TBC1D19: variants seen among roughly 807,000 people sequenced by gnomAD.
TBC1D19 encodes TBC1 domain family member 19, also known as TBC1 domain family, member 19.
Under a neutral mutation model 89.0 loss-of-function variants are expected in TBC1D19, and 60 were observed. The observed-to-expected ratio is 0.67, with a 90% CI of 0.55 to 0.84. TBC1D19 has a LOEUF of 0.84. Among genes scored for constraint, TBC1D19 ranks in the 40% least tolerant of loss-of-function variants. The pLI, the probability that TBC1D19 is intolerant of heterozygous loss-of-function variation, is 0.00. For missense variants in TBC1D19, 500 were observed against 610.8 expected (o/e 0.82, Z 1.91); for synonymous variants, 189 against 199.7 (o/e 0.95, Z 0.45).
chr4:26,698,539 G>A (rs1230419220), intron 13 of TBC1D19, among the ~76,000 whole-genome samples: 1 of 152,088 alleles, frequency 6.6e-6, no homozygotes, highest in Non-Finnish European at 1.5e-5. Context: ...AACCAAAAAT[G>A]AGCCCACATC....
At chr4:26,634,920 G>T (rs1207764604) in intron 4 of TBC1D19, among the ~76,000 whole-genome samples, 1 of 151,978 alleles carries the variant, frequency 6.6e-6, no homozygotes, top group African/African-American at 2.4e-5. Flanking sequence ...TGTTGTTCAC[G>T]TGCCAACTCT....
the TBC1D19 span, among the ~76,000 whole-genome samples, chr4:26,825,540 T>G: frequency 2.0e-5 from 3 of 152,218 alleles, no homozygotes; most frequent in South Asian, 6.2e-4. Flanking sequence ...GTGAATGTAG[T>G]TTGGTTGGAA....
At chr4:26,693,932 C>T (rs774057696) in intron 13 of TBC1D19, among the ~76,000 whole-genome samples, 10 of 151,966 alleles carry the variant, frequency 6.6e-5, no homozygotes, top group Admixed American at 1.3e-4. Flanking sequence ...CCAAGATGGC[C>T]GAATAGGAAC....
chr4:26,828,945 G>A, the TBC1D19 span, among the ~76,000 whole-genome samples: 11 of 152,284 alleles, frequency 7.2e-5, no homozygotes, highest in African/African-American at 2.6e-4. Context: ...ACTCAGGAAG[G>A]GAGATTAGGA....
the TBC1D19 span, among the ~76,000 whole-genome samples, chr4:26,805,118 C>T: frequency 2.0e-5 from 3 of 152,152 alleles, no homozygotes; most frequent in Admixed American, 6.5e-5. Context: ...CCTGAGCCTT[C>T]GTGTGTTCAG....
At chr4:26,597,989 C>T (rs1189772014) in intron 1 of TBC1D19, among the ~76,000 whole-genome samples, 1 of 152,112 alleles carries the variant, frequency 6.6e-6, no homozygotes, top group Admixed American at 6.5e-5. Flanking sequence ...AATGCTAGAA[C>T]TTAGAACAAT....
chr4:26,739,407 G>C (rs568382259), intron 16 of TBC1D19, among the ~76,000 whole-genome samples: 1 of 152,146 alleles, frequency 6.6e-6, no homozygotes, highest in African/African-American at 2.4e-5. Flanking sequence ...GATTCTAAAA[G>C]TCATAAATCA....
intron 18 of TBC1D19, among the ~76,000 whole-genome samples, chr4:26,745,497 CTTTTTTTTT>C (rs71186486): frequency 8.9e-4 from 36 of 40,596 alleles, no homozygotes; most frequent in African/African-American, 1.2e-3. Flanking sequence ...CAATATACTT[CTTTTTTTTT>C]TTTTTTTTTT....
At chr4:26,731,195 G>A (rs1474271620) in intron 15 of TBC1D19, among the ~76,000 whole-genome samples, 1 of 152,076 alleles carries the variant, frequency 6.6e-6, no homozygotes, top group Non-Finnish European at 1.5e-5. Flanking sequence ...TTAGGGGGAG[G>A]GATCAAGGCT....
chr4:26,747,411 G>T (rs1156515783), intron 18 of TBC1D19, among the ~76,000 whole-genome samples: 1 of 152,176 alleles, frequency 6.6e-6, no homozygotes, highest in Non-Finnish European at 1.5e-5. Flanking sequence ...GTCAATACTA[G>T]TGCCTACATG....
At chr4:26,805,414 G>A in the TBC1D19 span, among the ~76,000 whole-genome samples, 6 of 152,146 alleles carry the variant, frequency 3.9e-5, no homozygotes, top group African/African-American at 1.4e-4. Flanking sequence ...TCCTCATCCG[G>A]ATTCAGTCCC....
At chr4:26,626,108 T>G (rs1269134341) in intron 4 of TBC1D19, among the ~76,000 whole-genome samples, 1 of 152,214 alleles carries the variant, frequency 6.6e-6, no homozygotes, top group Non-Finnish European at 1.5e-5. Context: ...AATTATTTAT[T>G]TACATCAGTA....
At chr4:26,724,751 A>T (rs1717200883) in intron 15 of TBC1D19, among the ~76,000 whole-genome samples, 1 of 152,178 alleles carries the variant, frequency 6.6e-6, no homozygotes, top group African/African-American at 2.4e-5. Flanking sequence ...CCTCAAAGGC[A>T]GTCAGAAGTG....
intron 11 of TBC1D19, among the ~76,000 whole-genome samples, chr4:26,682,958 A>G (rs1274131103): frequency 6.6e-6 from 1 of 151,640 alleles, no homozygotes; most frequent in East Asian, 1.9e-4. Context: ...TTATTTATTT[A>G]TTTTAGAGAC....
the TBC1D19 span, among the ~76,000 whole-genome samples, chr4:26,838,890 A>C: frequency 6.6e-6 from 1 of 152,166 alleles, no homozygotes; most frequent in African/African-American, 2.4e-5. Context: ...AGCCTGTTAA[A>C]CCCCAACCTA....
At chr4:26,700,964 C>G (rs1715273416) in intron 13 of TBC1D19, among the ~76,000 whole-genome samples, 1 of 152,126 alleles carries the variant, frequency 6.6e-6, no homozygotes, top group African/African-American at 2.4e-5. Context: ...TCACAAGAGT[C>G]TACATGACCC....
At chr4:26,637,124 T>C (rs1258824973) in intron 4 of TBC1D19, 87 bp from the exon 5 acceptor site, 1 of 953,846 alleles carries the variant, frequency 1.0e-6, no homozygotes, top group Non-Finnish European at 1.6e-6. Flanking sequence ...GCCTTACCAT[T>C]TCTATATAAT....
chr4:26,675,015 G>T (rs1326133966), intron 11 of TBC1D19, among the ~76,000 whole-genome samples: 1 of 151,968 alleles, frequency 6.6e-6, no homozygotes, highest in Admixed American at 6.6e-5. Flanking sequence ...AATAAAGCTT[G>T]CAATTTATTT....
intron 17 of TBC1D19, among the ~76,000 whole-genome samples, chr4:26,740,217 TAAA>T (rs1202816457): frequency 6.6e-6 from 1 of 152,254 alleles, no homozygotes; most frequent in African/African-American, 2.4e-5. Context: ...TTTTACATAT[TAAA>T]AAAATTAGAA....
Sources: gnomAD v4.1 joint callset for allele counts (sites outside exome capture counted in the v4.1 genomes callset) on GRCh38, gnomAD v4.1.1 for gene constraint, MANE v1.5 for transcripts, NCBI Gene and HGNC (gene_info 2026-07-23, HGNC 2026-07-21) for gene names.